The following SEC24D variants were observed in gnomAD, a reference collection of about 807,000 sequenced individuals.
SEC24D encodes SEC24 homolog D, COPII component, also known as protein transport protein Sec24D.
A neutral mutation model predicts 116.9 loss-of-function variants in SEC24D; 69 were observed. That is an observed-to-expected ratio of 0.59 (90% confidence interval 0.49 to 0.72). The LOEUF is 0.72. Among genes scored for constraint, SEC24D ranks in the 30% least tolerant of loss-of-function variants. The pLI is 0.00. For missense variants in SEC24D, 1,131 were observed against 1,264.1 expected (o/e 0.89, Z 1.60); for synonymous variants, 405 against 442.8 (o/e 0.91, Z 1.07).
At chr4:118,742,014 C>T (rs564935172) in intron 15 of SEC24D, among the ~76,000 whole-genome samples, 2 of 152,100 alleles carry the variant, frequency 1.3e-5, no homozygotes, top group Non-Finnish European at 2.9e-5. Flanking sequence ...ATTTTACTGC[C>T]TGTTTACATC....
At chr4:118,780,508 A>C (rs181801889) in intron 8 of SEC24D, among the ~76,000 whole-genome samples, 50 of 152,284 alleles carry the variant, frequency 3.3e-4, no homozygotes, top group African/African-American at 1.1e-3. Context: ...GCTGAGGAGT[A>C]CTTTACTTCC....
intron 11 of SEC24D, among the ~76,000 whole-genome samples, chr4:118,753,289 G>T (rs1726927388): frequency 6.6e-6 from 1 of 152,198 alleles, no homozygotes; most frequent in Middle Eastern, 3.4e-3. Flanking sequence ...TTTGAAGCAA[G>T]GGATGAGGAA....
At chr4:118,777,126 T>TA (rs1728173733) in intron 8 of SEC24D, among the ~76,000 whole-genome samples, 1 of 150,638 alleles carries the variant, frequency 6.6e-6, no homozygotes, top group Non-Finnish European at 1.5e-5. Context: ...TTTATTTATT[T>TA]TTATTATACT....
intron 10 of SEC24D, among the ~76,000 whole-genome samples, chr4:118,760,076 G>C (rs906221013): frequency 3.9e-5 from 6 of 152,194 alleles, no homozygotes; most frequent in Non-Finnish European, 8.8e-5. Flanking sequence ...TCCACAACCA[G>C]TTAATTGTGA....
intron 10 of SEC24D, among the ~76,000 whole-genome samples, chr4:118,763,854 C>T (rs1727508498): frequency 6.6e-6 from 1 of 152,098 alleles, no homozygotes; most frequent in South Asian, 2.1e-4. Context: ...GGTTTAAATT[C>T]CATGGGGATA....
At chr4:118,756,694 GACA>G (rs1031152161) in intron 11 of SEC24D, among the ~76,000 whole-genome samples, 5 of 152,138 alleles carry the variant, frequency 3.3e-5, no homozygotes, top group African/African-American at 7.2e-5. Flanking sequence ...CTAGGTTACA[GACA>G]ACATTTCCCA....
At chr4:118,790,588 A>G (rs936318363) in intron 8 of SEC24D, among the ~76,000 whole-genome samples, 5 of 152,128 alleles carry the variant, frequency 3.3e-5, no homozygotes, top group Non-Finnish European at 2.9e-5. Flanking sequence ...TAAAAGACAT[A>G]AAAATTTAAA....
intron 1 of SEC24D, among the ~76,000 whole-genome samples, chr4:118,834,991 A>G (rs1731029955): frequency 6.6e-6 from 1 of 152,212 alleles, no homozygotes; most frequent in Admixed American, 6.5e-5. Context: ...ATATTATGAG[A>G]TCATTTCCTT....
Position 118,724,981 on chromosome 4 carries a change from C to G in SEC24D, c.2959-1326G>C, listed in dbSNP as rs748112324. 2.0e-5 allele frequency among the ~76,000 whole-genome samples: 3 copies of G among 152,206 alleles called. No homozygotes were observed. The East Asian group carries it at 5.8e-4, about 29-fold the overall frequency. On this transcript the variant is annotated intron_variant, in intron 22 of 22. Transcript: ENST00000280551. The stretch of plus-strand genomic sequence containing the variant: ...GCAGGGAAGGTATGTGCAATTTTGG[C>G]TAGGAGGGCAGGGCCCTCCCTACTT...
chr4:118,733,020 G>A, intron 19 of SEC24D, 108 bp from the exon 20 acceptor site: 13 of 988,684 alleles, frequency 1.3e-5, no homozygotes, highest in Non-Finnish European at 2.0e-5. Flanking sequence ...TTGTAAGGAT[G>A]TAAGGATTAA....
chr4:118,773,882 C>A (rs1385117771), intron 8 of SEC24D, among the ~76,000 whole-genome samples: 1 of 152,106 alleles, frequency 6.6e-6, no homozygotes, highest in Non-Finnish European at 1.5e-5. Flanking sequence ...ATTTACCGTA[C>A]AAGTGCTTTT....
chr4:118,831,622 T>G (rs1347452811), intron 2 of SEC24D, among the ~76,000 whole-genome samples: 1 of 152,096 alleles, frequency 6.6e-6, no homozygotes, highest in East Asian at 1.9e-4. Flanking sequence ...GATTTTTTTT[T>G]TTTTTAGCTC....
chr4:118,755,334 A>C (rs1269789124), intron 11 of SEC24D, among the ~76,000 whole-genome samples: 1 of 151,926 alleles, frequency 6.6e-6, no homozygotes, highest in Non-Finnish European at 1.5e-5. Flanking sequence ...TCAATGCTTG[A>C]CCCATCATCA....
chr4:118,732,143 A>G (rs1725722383), intron 20 of SEC24D, among the ~76,000 whole-genome samples: 2 of 151,744 alleles, frequency 1.3e-5, no homozygotes, highest in Admixed American at 1.3e-4. Context: ...TGACAATTTT[A>G]TTTTATTTTA....
At chr4:118,782,889 G>C (rs991360330) in intron 8 of SEC24D, among the ~76,000 whole-genome samples, 1 of 152,254 alleles carries the variant, frequency 6.6e-6, no homozygotes, top group African/African-American at 2.4e-5. Flanking sequence ...AAGACTCCTT[G>C]GGTGTGGGAC....
chr4:118,826,645 C>T (rs568329378), intron 2 of SEC24D, among the ~76,000 whole-genome samples: 34 of 146,362 alleles, frequency 2.3e-4, no homozygotes, highest in African/African-American at 8.3e-4. Flanking sequence ...TTTAAATTTG[C>T]CTCACAGCTC....
chr4:118,796,454 T>G (rs1364406783), intron 8 of SEC24D, among the ~76,000 whole-genome samples: 1 of 152,160 alleles, frequency 6.6e-6, no homozygotes, highest in Non-Finnish European at 1.5e-5. Flanking sequence ...ATACCACACG[T>G]AAGTTTGGCT....
intron 11 of SEC24D, among the ~76,000 whole-genome samples, chr4:118,755,063 T>A (rs183911676): frequency 1.3e-5 from 2 of 152,254 alleles, no homozygotes; most frequent in Non-Finnish European, 2.9e-5. Context: ...TAACATTTTT[T>A]AAAAGCATCT....
In SEC24D at chr4:118,817,326, A is replaced by T. The variant is rs776265086; in HGVS notation, c.335T>A (p.Ile112Lys). 1.9e-6 allele frequency: 3 copies of T among 1,613,884 alleles called. No homozygotes were observed. Among genetic ancestry groups the T allele is most frequent in the Non-Finnish European group, 2.5e-6 (3 of 1,179,844 alleles). ...CAGCTGGGTGACAGATGAAGTGGAT[A>T]TAGGACCTGGATAAGAAGATTGTGC... ...PSAQSSYPGP[I>K]STSSVTQLGS... The change falls in exon 4 of 23, where the codon ATA becomes AAA. Residue 112 changes from isoleucine to lysine, a missense_variant. Transcript: ENST00000280551.
Sources: gnomAD v4.1 joint callset for allele counts (sites outside exome capture counted in the v4.1 genomes callset) on GRCh38, gnomAD v4.1.1 for gene constraint, MANE v1.5 for transcripts, NCBI Gene and HGNC (gene_info 2026-07-23, HGNC 2026-07-21) for gene names.